The following QTMAN variants were observed in gnomAD, a reference collection of about 807,000 sequenced individuals.
QTMAN encodes the protein queuosine-tRNA mannosyltransferase, also known as tRNA-queuosine alpha-mannosyltransferase.
the QTMAN span, among the ~76,000 whole-genome samples, chr2:144,231,536 T>G: frequency 6.6e-6 from 1 of 152,122 alleles, no homozygotes; most frequent in Non-Finnish European, 1.5e-5. Context: ...GTGTTCTGAA[T>G]TAAAACTATA....
the QTMAN span, among the ~76,000 whole-genome samples, chr2:143,993,995 T>C: frequency 6.6e-6 from 1 of 152,208 alleles, no homozygotes; most frequent in Non-Finnish European, 1.5e-5. Context: ...CTTCCTGTAC[T>C]ATGGGCTCCT....
chr2:144,092,368 G>C, the QTMAN span, among the ~76,000 whole-genome samples: 1 of 151,810 alleles, frequency 6.6e-6, no homozygotes. Context: ...GTAGAGACAG[G>C]GTTTCACTGT....
chr2:144,217,362 A>T, the QTMAN span, among the ~76,000 whole-genome samples: 2 of 148,716 alleles, frequency 1.3e-5, no homozygotes, highest in African/African-American at 2.6e-5. Context: ...AATATAAGTT[A>T]AAAAAAACCC....
chr2:143,980,303 C>A, the QTMAN span, among the ~76,000 whole-genome samples: 8 of 152,102 alleles, frequency 5.3e-5, no homozygotes. Context: ...TCTGTTCCTG[C>A]CTTAGTTTGC....
the QTMAN span, chr2:143,943,913 AGATT>A: frequency 1.2e-4 from 18 of 152,346 alleles, no homozygotes; most frequent in Non-Finnish European, 2.5e-4. Flanking sequence ...CCAGAAGCAT[AGATT>A]AAGTTTAGGG....
the QTMAN span, among the ~76,000 whole-genome samples, chr2:144,287,716 C>T: frequency 2.0e-5 from 3 of 152,082 alleles, no homozygotes; most frequent in Non-Finnish European, 4.4e-5. Context: ...GTAGTGTCCT[C>T]ATCATTAGCA....
At chr2:144,103,081 T>G in the QTMAN span, among the ~76,000 whole-genome samples, 14 of 152,140 alleles carry the variant, frequency 9.2e-5, no homozygotes, top group Non-Finnish European at 1.6e-4. Context: ...ATATATTGGA[T>G]GGTGGTGATG....
chr2:144,059,148 T>C, the QTMAN span, among the ~76,000 whole-genome samples: 1 of 152,176 alleles, frequency 6.6e-6, no homozygotes, highest in African/African-American at 2.4e-5. Context: ...ATTCCAAACA[T>C]ATATCATAGC....
the QTMAN span, among the ~76,000 whole-genome samples, chr2:143,980,342 T>C: frequency 2.0e-5 from 3 of 152,222 alleles, no homozygotes. Flanking sequence ...GCTCCATCCA[T>C]GTCTGTGCAA....
chr2:144,109,445 A>G, the QTMAN span, among the ~76,000 whole-genome samples: 1 of 152,238 alleles, frequency 6.6e-6, no homozygotes, highest in South Asian at 2.1e-4. Context: ...TAAAAACCCT[A>G]GAAGAAAACC....
chr2:144,063,002 G>T, the QTMAN span, among the ~76,000 whole-genome samples: 13 of 152,178 alleles, frequency 8.5e-5, no homozygotes, highest in Non-Finnish European at 1.8e-4. Context: ...CCCCAGGCTA[G>T]AGTAATTGAT....
the QTMAN span, among the ~76,000 whole-genome samples, chr2:144,162,616 G>A: frequency 6.6e-6 from 1 of 152,176 alleles, no homozygotes; most frequent in Admixed American, 6.5e-5. Flanking sequence ...CAGTTGAAAG[G>A]TGAGGAGAGA....
chr2:144,177,252 T>A, the QTMAN span: 1,413 of 583,844 alleles, frequency 2.4e-3, no homozygotes, highest in South Asian at 9.2e-3. Context: ...TTGATCCCAA[T>A]AAAAAAAAAA....
chr2:144,060,569 T>A, the QTMAN span, among the ~76,000 whole-genome samples: 1 of 152,198 alleles, frequency 6.6e-6, no homozygotes, highest in African/African-American at 2.4e-5. Context: ...CCCAAGCATC[T>A]TAATCTTAAA....
chr2:144,201,770 G>C, the QTMAN span, among the ~76,000 whole-genome samples: 1 of 152,136 alleles, frequency 6.6e-6, no homozygotes. Flanking sequence ...TAGTCTGGAG[G>C]AATTTTGACC....
chr2:144,122,990 TAAC>T, the QTMAN span, among the ~76,000 whole-genome samples: 1 of 152,046 alleles, frequency 6.6e-6, no homozygotes, highest in African/African-American at 2.4e-5. Flanking sequence ...GCACCCCTCT[TAAC>T]AATAATATCC....
the QTMAN span, among the ~76,000 whole-genome samples, chr2:144,035,509 TA>T: frequency 6.6e-6 from 1 of 152,222 alleles, no homozygotes; most frequent in Admixed American, 6.5e-5. Flanking sequence ...ATTATATTTT[TA>T]ATCAGTGTTA....
At chr2:144,179,262 G>A in the QTMAN span, among the ~76,000 whole-genome samples, 4 of 152,100 alleles carry the variant, frequency 2.6e-5, no homozygotes, top group Non-Finnish European at 5.9e-5. Flanking sequence ...GCATAAACCT[G>A]GGTTTTTCTA....
At chr2:144,075,085 G>C in the QTMAN span, among the ~76,000 whole-genome samples, 1 of 152,290 alleles carries the variant, frequency 6.6e-6, no homozygotes, top group African/African-American at 2.4e-5. Context: ...ATAATTGATA[G>C]TTACAATCTA....
Sources: allele counts gnomAD v4.1 joint callset (sites outside exome capture counted in the v4.1 genomes callset), GRCh38; gene constraint gnomAD v4.1.1; transcripts MANE v1.5; gene names NCBI Gene and HGNC (gene_info 2026-07-23, HGNC 2026-07-21).